The following TSHR variants were observed in gnomAD, a reference collection of about 807,000 sequenced individuals.
The protein encoded by TSHR is thyroid stimulating hormone receptor, also known as thyrotropin receptor.
In TSHR, 51 loss-of-function variants were observed where a neutral mutation model predicts 64.1. That is an observed-to-expected ratio of 0.80 (90% confidence interval 0.64 to 1.01). The LOEUF (loss-of-function observed/expected upper bound fraction) is 1.01. Ranked by LOEUF, TSHR falls within the 50% of genes least tolerant of loss-of-function variation. TSHR has a pLI of 0.00. For missense variants in TSHR, 877 were observed against 942.8 expected, an observed-to-expected ratio of 0.93 and a Z score of 0.91; for synonymous variants, 361 against 361.9, an observed-to-expected ratio of 1.00 and a Z score of 0.03.
rs2140114597 is a variant in TSHR at position 81,144,311 on chromosome 14, G to A, written c.2253G>A (p.Lys751=). ...AAAACTCCCATCTAACCCCAAAGAA[G>A]CAAGGCCAAATCTCAGAAGAGTATA... ...LIENSHLTPK[K]QGQISEEYMQ... is the part of the protein sequence containing the mutation. The change falls in exon 10 of 10, where the codon AAG becomes AAA. Residue 751 remains lysine, a synonymous_variant. Transcript: ENST00000298171. The A allele has an allele frequency of 6.2e-7, 1 of 1,614,160 alleles. No homozygotes were observed. Among genetic ancestry groups the A allele is most frequent in the East Asian group, 2.2e-5 (1 of 44,886 alleles).
intron 1 of TSHR, among the ~76,000 whole-genome samples, chr14:80,996,018 A>T (rs1889000575): frequency 6.6e-6 from 1 of 152,108 alleles, no homozygotes. Flanking sequence ...TGTTTTTGTA[A>T]GTCTTTTATG....
At chr14:81,024,681 CTT>C (rs1883956447) in intron 1 of TSHR, among the ~76,000 whole-genome samples, 1 of 152,112 alleles carries the variant, frequency 6.6e-6, no homozygotes, top group African/African-American at 2.4e-5. Flanking sequence ...CATGAATTTT[CTT>C]TCTTTTTTAA....
chr14:80,974,480 C>T (rs1480548398), intron 1 of TSHR, among the ~76,000 whole-genome samples: 1 of 152,094 alleles, frequency 6.6e-6, no homozygotes, highest in African/African-American at 2.4e-5. Flanking sequence ...CTGCCAAACC[C>T]TCCAGATGCC....
chr14:80,983,097 A>G, intron 1 of TSHR: 1 of 653,634 alleles, frequency 1.5e-6, no homozygotes, highest in Non-Finnish European at 2.7e-6. Context: ...GCTTATTGAA[A>G]GCTTGCTCAG....
In TSHR at chr14:81,137,698, T is replaced by G. The variant is rs1256357147; in HGVS notation, c.693-1981T>G. On this transcript the variant is annotated intron_variant, in intron 8 of 9. Coordinates refer to ENST00000298171, the MANE Select transcript of TSHR (RefSeq NM_000369.5). The stretch of plus-strand genomic sequence containing the variant: ...AAACCTATGCTCATAATAAAAAGAT[T>G]GTTGCTTTATGCCACTTAGTTTTGG... Among the ~76,000 whole-genome samples the G allele has an allele frequency of 2.0e-5, 3 of 152,240 alleles. No individual in the cohort carries two copies. In the South Asian group the frequency reaches 6.2e-4, roughly 31 times the overall value.
At chr14:81,001,175 A>G (rs1299809871) in intron 1 of TSHR, 1 of 171,124 alleles carries the variant, frequency 5.8e-6, no homozygotes, top group Non-Finnish European at 1.2e-5. Flanking sequence ...CCCATGCCGT[A>G]AGTTTTTGTT....
At chr14:81,050,760 T>G (rs1885389588) in intron 1 of TSHR, 1 of 152,198 alleles carries the variant, frequency 6.6e-6, no homozygotes, top group African/African-American at 2.4e-5. Flanking sequence ...ATGCATACAT[T>G]GTGGGATGAT....
At chr14:81,048,387 CTACATGGGCTTTCTTCTGTTATTATTAA>C (rs1454423147) in intron 1 of TSHR, among the ~76,000 whole-genome samples, 11 of 152,136 alleles carry the variant, frequency 7.2e-5, no homozygotes, top group Non-Finnish European at 1.5e-4. Context: ...CTTCCTATAT[CTACATGGGCTTTCTTCTGTTATTATTAA>C]TATGGTTTCC....
intron 5 of TSHR, among the ~76,000 whole-genome samples, chr14:81,092,255 C>T (rs375825646): frequency 6.6e-6 from 1 of 152,112 alleles, no homozygotes. Flanking sequence ...ATCCATCTGC[C>T]TACCCCAAGA....
intron 8 of TSHR, among the ~76,000 whole-genome samples, chr14:81,123,499 G>A (rs570500064): frequency 6.6e-6 from 1 of 152,096 alleles, no homozygotes; most frequent in Non-Finnish European, 1.5e-5. Context: ...AATAAATATT[G>A]GATGAATTGT....
intron 1 of TSHR, chr14:81,053,063 T>A (rs900829350): frequency 7.2e-5 from 11 of 152,044 alleles, no homozygotes; most frequent in African/African-American, 2.7e-4. Context: ...GAGCCAAAGG[T>A]ATAGTATCAG....
chr14:81,145,485 T>C lies in TSHR; in HGVS notation c.*1132T>C, dbSNP rs1160027356. Reference sequence around the variant, plus strand: ...CCTGGATCTGAATCATTCATTTAATTACTAGATCTACCCAGCTGTTATATC... The same window carrying C: ...CCTGGATCTGAATCATTCATTTAATCACTAGATCTACCCAGCTGTTATATC... On this transcript the variant is annotated 3_prime_UTR_variant, in exon 10 of 10. Transcript: ENST00000298171. 1.0e-5 allele frequency: 2 copies of C among 199,918 alleles called. No homozygotes were observed. Among genetic ancestry groups the C allele is most frequent in the Admixed American group, 7.4e-5 (1 of 13,520 alleles). The allele number at this position is 199,918 out of a possible 1,614,324, so 12.4% of individuals were successfully genotyped here. A position where few individuals can be genotyped will look rare whatever the true frequency, so the allele number is the denominator to read the frequency against.
chr14:81,117,326 C>T (rs1194908910), intron 8 of TSHR, among the ~76,000 whole-genome samples: 4 of 121,658 alleles, frequency 3.3e-5, no homozygotes, highest in East Asian at 3.3e-4. Context: ...ATCAAATAGA[C>T]GCAATAAAAA....
intron 3 of TSHR, among the ~76,000 whole-genome samples, chr14:81,069,443 A>T (rs990152115): frequency 4.7e-5 from 7 of 149,722 alleles, no homozygotes; most frequent in African/African-American, 1.3e-4. Flanking sequence ...CTGAATTTTT[A>T]AAAAAATGTT....
intron 3 of TSHR, among the ~76,000 whole-genome samples, chr14:81,085,678 C>T (rs1461174327): frequency 1.3e-5 from 2 of 152,212 alleles, no homozygotes; most frequent in East Asian, 3.8e-4. Flanking sequence ...TCTTAGACCA[C>T]TCACTCAGGA....
At chr14:81,038,979 AC>A (rs1365811851) in intron 1 of TSHR, among the ~76,000 whole-genome samples, 1 of 151,812 alleles carries the variant, frequency 6.6e-6, no homozygotes, top group East Asian at 1.9e-4. Flanking sequence ...AATAATTAAT[AC>A]CAATTCTTTT....
At chr14:80,982,502 A>C in intron 1 of TSHR, 1 of 1,043,910 alleles carries the variant, frequency 9.6e-7, no homozygotes. Context: ...GAGGAAGAGA[A>C]TGTCATTGGG....
intron 1 of TSHR, chr14:81,012,903 C>G (rs1889998442): frequency 6.6e-6 from 1 of 152,172 alleles, no homozygotes; most frequent in Non-Finnish European, 1.5e-5. Flanking sequence ...CCTGTTCACT[C>G]TGATGGTAGT....
intron 1 of TSHR, among the ~76,000 whole-genome samples, chr14:81,055,149 A>T (rs1316712163): frequency 2.0e-5 from 3 of 152,148 alleles, no homozygotes; most frequent in Non-Finnish European, 4.4e-5. Context: ...AGGGGCCAAG[A>T]TACAGCTCAG....
Sources: allele counts gnomAD v4.1 joint callset (sites outside exome capture counted in the v4.1 genomes callset), GRCh38; gene constraint gnomAD v4.1.1; transcripts MANE v1.5; gene names NCBI Gene and HGNC (gene_info 2026-07-23, HGNC 2026-07-21).